Variants in RNF11 observed in about 807,000 individuals in gnomAD.
The protein encoded by RNF11 is ring finger protein 11.
A neutral mutation model predicts 15.8 loss-of-function variants in RNF11; 4 were observed. That is an observed-to-expected ratio of 0.25 (90% CI 0.12 to 0.58). The LOEUF (loss-of-function observed/expected upper bound fraction) is 0.58, where lower values mean the gene tolerates loss of function less well. Ranked by LOEUF, RNF11 falls within the 20% of genes least tolerant of loss-of-function variation. RNF11 has a pLI of 0.91. For missense variants in RNF11, 139 were observed against 194.4 expected (o/e 0.71, Z 1.70); for synonymous variants, 68 against 72.3 (o/e 0.94, Z 0.30).
intron 1 of RNF11, among the ~76,000 whole-genome samples, chr1:51,243,144 A>G (rs1053832720): frequency 6.6e-6 from 1 of 151,938 alleles, no homozygotes; most frequent in Non-Finnish European, 1.5e-5. Flanking sequence ...TTGCTTTAAC[A>G]GTTGTTTCTC....
At chr1:51,262,421 TC>T (rs1646934243) in intron 1 of RNF11, among the ~76,000 whole-genome samples, 1 of 152,238 alleles carries the variant, frequency 6.6e-6, no homozygotes, top group African/African-American at 2.4e-5. Context: ...TTGACAAACT[TC>T]TTAGGATACT....
intron 1 of RNF11, among the ~76,000 whole-genome samples, chr1:51,268,619 A>G (rs971506070): frequency 6.6e-6 from 1 of 152,220 alleles, no homozygotes; most frequent in African/African-American, 2.4e-5. Flanking sequence ...TTTGTTTGTT[A>G]GGTTCAAGGA....
intron 1 of RNF11, among the ~76,000 whole-genome samples, chr1:51,241,673 A>G (rs565192464): frequency 6.6e-6 from 1 of 152,354 alleles, no homozygotes; most frequent in East Asian, 1.9e-4. Flanking sequence ...ATTAGAAAGT[A>G]GAAACAAATT....
chr1:51,243,682 A>G (rs927957282), intron 1 of RNF11, among the ~76,000 whole-genome samples: 3 of 152,130 alleles, frequency 2.0e-5, no homozygotes, highest in Middle Eastern at 3.4e-3. Context: ...CAGGTAATCC[A>G]CTCACCTTGG....
At chr1:51,239,383 G>A (rs1646819026) in intron 1 of RNF11, among the ~76,000 whole-genome samples, 1 of 152,140 alleles carries the variant, frequency 6.6e-6, no homozygotes, top group African/African-American at 2.4e-5. Context: ...GCAGTTTCCT[G>A]AAGTGAATGA....
chr1:51,268,271 T>C (rs1274825812), intron 1 of RNF11, among the ~76,000 whole-genome samples: 2 of 152,200 alleles, frequency 1.3e-5, no homozygotes, highest in East Asian at 3.8e-4. Flanking sequence ...CTTTAAAATA[T>C]CAGGAGGTCT....
rs1557675039 is a variant in RNF11, at chr1:51,236,502, C to CG, written c.-255_-254insG. The CG allele has an allele frequency of 7.6e-6, 1 of 131,234 alleles. No homozygotes were observed. The highest frequency in any genetic ancestry group is 2.5e-4 in the East Asian group (1 of 3,926). 8.1% of individuals were successfully genotyped at this position (131,234 alleles called of 1,614,324 possible). ...GGGGAAGTGCTTCGTCTCCCCGCCC[C>CG]CCCCCCCCCATCGCTGCCTCGCAGG... On this transcript the variant is annotated 5_prime_UTR_variant, in exon 1 of 3. Coordinates refer to ENST00000242719, the MANE Select transcript of RNF11 (RefSeq NM_014372.5).
chr1:51,238,999 G>A (rs1442573019), intron 1 of RNF11, among the ~76,000 whole-genome samples: 2 of 151,980 alleles, frequency 1.3e-5, no homozygotes, highest in African/African-American at 4.8e-5. Flanking sequence ...CAAAGTGCTA[G>A]GATTACAGGC....
chr1:51,254,902 A>G (rs999542691), intron 1 of RNF11, among the ~76,000 whole-genome samples: 1 of 152,208 alleles, frequency 6.6e-6, no homozygotes, highest in Non-Finnish European at 1.5e-5. Context: ...TGAATAGCAC[A>G]TAAGTATATG....
rs922951325 is a variant in RNF11 at position 51,236,318 on chromosome 1, C to A, written c.-439C>A. 1 of 152,770 alleles carries A rather than the reference C, an allele frequency of 6.5e-6. No individual in the cohort carries two copies. The highest frequency in any genetic ancestry group is 2.4e-5 in the African/African-American group (1 of 41,414). 9.5% of individuals were successfully genotyped at this position (152,770 alleles called of 1,614,324 possible). ...TCTGGCTGCCGCCGTCTCGCTGAGG[C>A]GGAGTAGGATGAGGCCCGCGGCCGT... On this transcript the variant is annotated 5_prime_UTR_variant, in exon 1 of 3. Coordinates refer to ENST00000242719, the MANE Select transcript of RNF11 (RefSeq NM_014372.5).
At chr1:51,255,177 T>C (rs1446892752) in intron 1 of RNF11, among the ~76,000 whole-genome samples, 1 of 152,228 alleles carries the variant, frequency 6.6e-6, no homozygotes, top group Non-Finnish European at 1.5e-5. Context: ...ATGTTTCTAC[T>C]ACTTATATAT....
At chr1:51,258,292 G>A (rs116734718) in intron 1 of RNF11, among the ~76,000 whole-genome samples, 10 of 152,282 alleles carry the variant, frequency 6.6e-5, no homozygotes, top group Non-Finnish European at 1.5e-4. Flanking sequence ...CAATAAGTGG[G>A]GACTGCTGGA....
At chr1:51,271,012 A>G in intron 2 of RNF11, 139 bp from the exon 3 acceptor site, 3 of 698,674 alleles carry the variant, frequency 4.3e-6, no homozygotes, top group Non-Finnish European at 7.2e-6. Context: ...TTCAGTTTGC[A>G]TGCTTTGGCA....
chr1:51,252,081 C>CAAAAAAA (rs928146865), intron 1 of RNF11, among the ~76,000 whole-genome samples: 732 of 51,430 alleles, frequency 0.014, no homozygotes, highest in Middle Eastern at 0.031. Context: ...CATCTCAAAG[C>CAAAAAAA]AAAAAAAAAA....
At chr1:51,241,380 A>C (rs1437190601) in intron 1 of RNF11, among the ~76,000 whole-genome samples, 5 of 152,184 alleles carry the variant, frequency 3.3e-5, no homozygotes, top group Non-Finnish European at 7.3e-5. Flanking sequence ...GTCTCAAAGG[A>C]TCTTGTGGCT....
At chr1:51,242,694 C>G (rs1385575928) in intron 1 of RNF11, among the ~76,000 whole-genome samples, 1 of 152,046 alleles carries the variant, frequency 6.6e-6, no homozygotes, top group Non-Finnish European at 1.5e-5. Context: ...AACTCCTGGG[C>G]TCAAGTGATC....
chr1:51,260,086 C>G (rs1361855641), intron 1 of RNF11, among the ~76,000 whole-genome samples: 2 of 152,144 alleles, frequency 1.3e-5, no homozygotes, highest in Non-Finnish European at 2.9e-5. Flanking sequence ...GGCTGAGGCC[C>G]ATTGTTGATC....
intron 1 of RNF11, among the ~76,000 whole-genome samples, chr1:51,254,013 A>T (rs1001519636): frequency 1.3e-5 from 2 of 152,076 alleles, no homozygotes; most frequent in Non-Finnish European, 2.9e-5. Context: ...GGATGTGAGG[A>T]TTTTAAAGCT....
intron 1 of RNF11, among the ~76,000 whole-genome samples, chr1:51,259,043 A>T (rs1400625363): frequency 6.6e-6 from 1 of 152,210 alleles, no homozygotes; most frequent in Non-Finnish European, 1.5e-5. Flanking sequence ...ACCAGAAACT[A>T]TCCAGCCTTG....
Sources: gnomAD v4.1 joint callset for allele counts (sites outside exome capture counted in the v4.1 genomes callset) on GRCh38, gnomAD v4.1.1 for gene constraint, MANE v1.5 for transcripts, NCBI Gene and HGNC (gene_info 2026-07-23, HGNC 2026-07-21) for gene names.